The following CFAP43 variants were observed in gnomAD, a reference collection of about 807,000 sequenced individuals.
The protein encoded by CFAP43 is cilia and flagella associated protein 43, also known as cilia- and flagella-associated protein 43.
In CFAP43, 155 loss-of-function variants were observed where a neutral mutation model predicts 218.9. That is an observed-to-expected ratio of 0.71 (90% CI 0.62 to 0.81). The LOEUF is 0.81. Ranked by LOEUF, CFAP43 falls within the 30% of genes least tolerant of loss-of-function variation. The probability of loss-of-function intolerance (pLI) is 0.00; values close to 1 mark genes in which losing one functional copy is unlikely to be tolerated. For missense variants in CFAP43, 1,778 were observed against 1,954.3 expected, an observed-to-expected ratio of 0.91 and a Z score of 1.70; for synonymous variants, 645 against 681.3, an observed-to-expected ratio of 0.95 and a Z score of 0.83.
At chr10:104,160,384 A>C (rs961446978) in intron 27 of CFAP43, among the ~76,000 whole-genome samples, 1 of 152,240 alleles carries the variant, frequency 6.6e-6, no homozygotes, top group African/African-American at 2.4e-5. Context: ...CATGAGATAC[A>C]GCCACTAGCA....
intron 10 of CFAP43, among the ~76,000 whole-genome samples, chr10:104,194,687 AAGAGAATAAAT>A (rs2090335822): frequency 6.6e-6 from 1 of 152,264 alleles, no homozygotes. Context: ...TATGATGTCT[AAGAGAATAAAT>A]TGACTTTCAT....
In CFAP43 at chr10:104,132,105, T is replaced by C. The variant is rs1345676916; in HGVS notation, c.4677+11A>G. 2 of 1,582,206 alleles carry C rather than the reference T, an allele frequency of 1.3e-6. No individual in the cohort carries two copies. Among genetic ancestry groups the C allele is most frequent in the Admixed American group, 3.6e-5 (2 of 55,440 alleles). On this transcript the variant is annotated intron_variant, in intron 36 of 37. Transcript: ENST00000357060. ...TGTTAGGATATAATAACCAACGTCT[T>C]TGAGACTTACCTTATCTAAAACAGC...
intron 8 of CFAP43, among the ~76,000 whole-genome samples, chr10:104,201,506 G>A (rs1214828250): frequency 6.6e-6 from 1 of 151,816 alleles, no homozygotes; most frequent in Non-Finnish European, 1.5e-5. Context: ...CTTAGAAGTT[G>A]TAACATGTGT....
In CFAP43 at chr10:104,157,840, A is replaced by G. The variant is rs796780060; in HGVS notation, c.3540+3197T>C. On this transcript the variant is annotated intron_variant, in intron 27 of 37. Transcript: ENST00000357060. ...TCCTAACCCCTATAGCAAAGAACAC[A>G]TCTGGTATCCAGATCTTGGTCTCTA... Among the ~76,000 whole-genome samples the G allele has an allele frequency of 2.0e-5, 3 of 151,356 alleles. No homozygotes were observed. The East Asian group carries it at 5.8e-4, about 29-fold the overall frequency.
chr10:104,215,721 G>A (rs916718464), intron 3 of CFAP43, among the ~76,000 whole-genome samples: 8 of 151,424 alleles, frequency 5.3e-5, no homozygotes, highest in Non-Finnish European at 7.4e-5. Context: ...CCCCTCTCCC[G>A]AAACCTCTAG....
At chr10:104,168,898 A>G (rs2089292899) in intron 20 of CFAP43, 50 bp from the exon 21 acceptor site, 1 of 1,413,740 alleles carries the variant, frequency 7.1e-7, no homozygotes, top group African/African-American at 1.4e-5. Context: ...GTGTGGACTC[A>G]GAAATAATAA....
Position 104,182,474 on chromosome 10 carries a change from A to G in CFAP43, c.2181T>C (p.Tyr727=). The G allele has an allele frequency of 1.2e-6, 2 of 1,611,922 alleles. No individual in the cohort carries two copies. The highest frequency in any genetic ancestry group is 1.1e-5 in the South Asian group (1 of 90,378). Residue 727 remains tyrosine (Y), a synonymous_variant, in exon 17 of 38, where the codon TAT becomes TAC. Transcript: ENST00000357060. Reference sequence around the variant, plus strand: ...TCAGGGAAATTAATAGTTTCTGGTAATAGTCCAGAATTTCACTGGCTAGGT... The same window carrying G: ...TCAGGGAAATTAATAGTTTCTGGTAGTAGTCCAGAATTTCACTGGCTAGGT... ...GGHLASEILD[Y]YQKLLISLSS... is the part of the protein sequence containing the mutation.
chr10:104,211,653 T>C (rs950837590), intron 5 of CFAP43, among the ~76,000 whole-genome samples: 1 of 152,170 alleles, frequency 6.6e-6, no homozygotes, highest in African/African-American at 2.4e-5. Context: ...GTCCTATCTG[T>C]GAGAATGACA....
Position 104,182,476 on chromosome 10 carries a change from A to T in CFAP43, c.2179T>A (p.Tyr727Asn), listed in dbSNP as rs1250934243. 1 of 1,611,996 alleles carries T rather than the reference A, an allele frequency of 6.2e-7. No homozygotes were observed. Among genetic ancestry groups the T allele is most frequent in the Non-Finnish European group, 8.5e-7 (1 of 1,179,352 alleles). ...GGHLASEILDYYQKLLISLSS... is the reference protein window; with the variant it reads ...GGHLASEILDNYQKLLISLSS... ...AGGGAAATTAATAGTTTCTGGTAAT[A>T]GTCCAGAATTTCACTGGCTAGGTGT... is the stretch of plus-strand genomic sequence containing the variant. Residue 727 changes from tyrosine to asparagine, a missense_variant, in exon 17 of 38, where the codon TAT becomes AAT. Transcript: ENST00000357060.
chr10:104,144,409 G>T (rs1480251197), intron 31 of CFAP43, among the ~76,000 whole-genome samples: 3 of 152,270 alleles, frequency 2.0e-5, no homozygotes, highest in Non-Finnish European at 4.4e-5. Flanking sequence ...CCAACACTTT[G>T]GGAGGTTGAG....
chr10:104,213,654 G>A (rs1160460432), intron 4 of CFAP43, among the ~76,000 whole-genome samples: 1 of 151,940 alleles, frequency 6.6e-6, no homozygotes, highest in African/African-American at 2.4e-5. Context: ...TCCTGTCTCA[G>A]CCTCCCGAGT....
In CFAP43 at chr10:104,161,116, G is replaced by T; in HGVS notation, c.3461C>A (p.Thr1154Asn). 6.2e-7 allele frequency: 1 copy of T among 1,613,248 alleles called. No homozygotes were observed. The highest frequency in any genetic ancestry group is 8.5e-7 in the Non-Finnish European group (1 of 1,179,680). The change falls in exon 27 of 38, where the codon ACT becomes AAT. Residue 1154 changes from threonine to asparagine, a missense_variant. Coordinates refer to ENST00000357060, the MANE Select transcript of CFAP43 (RefSeq NM_025145.7). Reference sequence around the variant, plus strand: ...TTTGAATTGTTTTCTTTCTTCTTCAGTCCACACAGCATCAGGTTTTGCCAT... The same window carrying T: ...TTTGAATTGTTTTCTTTCTTCTTCATTCCACACAGCATCAGGTTTTGCCAT... ...AFMAKPDAVW[T>N]EEERKQFKDY...
chr10:104,142,103 T>A (rs2087734732), intron 33 of CFAP43, among the ~76,000 whole-genome samples, 178 bp downstream of exon 33: 1 of 152,230 alleles, frequency 6.6e-6, no homozygotes, highest in Non-Finnish European at 1.5e-5. Flanking sequence ...GAAAGTTCCA[T>A]CCTGAATCAA....
At chr10:104,151,001 T>G in intron 28 of CFAP43, among the ~76,000 whole-genome samples, 1 of 152,150 alleles carries the variant, frequency 6.6e-6, no homozygotes, top group East Asian at 1.9e-4. Context: ...CATATTTGGT[T>G]TTCTGTTCCT....
Position 104,185,127 on chromosome 10 carries a change from C to T in CFAP43, c.2030G>A (p.Arg677Gln), listed in dbSNP as rs146166238. The T allele has an allele frequency of 1.1e-4, 177 of 1,613,708 alleles. No homozygotes were observed. In the African/African-American group the frequency reaches 1.2e-3, roughly 11 times the overall value. ...VYTLETFAWC[R>Q]SHSHQGHGIQ... ...CCCATGACCCTGGTGAGAATGACTC[C>T]GACACCAAGCAAATGTTTCCTCAAT... The change falls in exon 16 of 38, where the codon CGG (arginine) becomes CAG (glutamine). Residue 677 changes from arginine to glutamine, a missense_variant. Arg to Gln is a conservative substitution (Grantham distance 43). Transcript: ENST00000357060.
chr10:104,130,193 CTG>C lies in CFAP43; in HGVS notation c.4942_4943del (p.Gln1648AspfsTer2). The C allele has an allele frequency of 5.0e-6, 8 of 1,610,452 alleles. No individual in the cohort carries two copies. The highest frequency in any genetic ancestry group is 6.8e-6 in the Non-Finnish European group (8 of 1,179,060). ...KQQAEQISIL[Q>X]TEVERLRMKT... ...TCATTCTTAATCTTTCAACTTCAGT[CTG>C]TAGTATTGAAATCTGTTCAGCTTGT... On this transcript the variant is annotated frameshift_variant, in exon 38 of 38. Coordinates refer to ENST00000357060, the MANE Select transcript of CFAP43 (RefSeq NM_025145.7). LOFTEE classifies it high-confidence loss of function.
At position 104,132,215 on chromosome 10, in the gene CFAP43, AC is replaced by A. The variant is rs747395100; in HGVS notation, c.4597-20del. The A allele has an allele frequency of 2.1e-5, 32 of 1,513,386 alleles. No individual in the cohort carries two copies. Among genetic ancestry groups the A allele is most frequent in the African/African-American group, 1.5e-4 (11 of 71,428 alleles). 93.7% of individuals were successfully genotyped at this position (1,513,386 alleles called of 1,614,324 possible). On this transcript the variant is annotated intron_variant, in intron 35 of 37. Coordinates refer to ENST00000357060, the MANE Select transcript of CFAP43 (RefSeq NM_025145.7). ...TTAGGTACTTTGAGATTAAAAAAAA[AC>A]ATGTAAGGATATTTTTCTCTCTTTC...
Position 104,172,266 on chromosome 10 carries a change from T to G in CFAP43, c.2586+144A>C, listed in dbSNP as rs933960476. ...TCGATGATCCTCTGATTCATTATAC[T>G]TATATGCACTATGTTTGCTTTATTC... On this transcript the variant is annotated intron_variant, in intron 20 of 37. Transcript: ENST00000357060. 7.0e-6 allele frequency: 7 copies of G among 996,038 alleles called. No homozygotes were observed. The African/African-American group carries it at 1.2e-4, about 17-fold the overall frequency. The allele number at this position is 996,038 out of a possible 1,614,324, so 61.7% of individuals were successfully genotyped here. A position where few individuals can be genotyped will look rare whatever the true frequency, so the allele number is the denominator to read the frequency against.
At chr10:104,183,383 G>GTTT (rs34324833) in intron 16 of CFAP43, among the ~76,000 whole-genome samples, 1 of 130,762 alleles carries the variant, frequency 7.6e-6, no homozygotes. Flanking sequence ...CTAGACCATC[G>GTTT]TTTTTTTTTT....
Sources: gnomAD v4.1 joint callset for allele counts (sites outside exome capture counted in the v4.1 genomes callset) on GRCh38, gnomAD v4.1.1 for gene constraint, MANE v1.5 for transcripts, NCBI Gene and HGNC (gene_info 2026-07-23, HGNC 2026-07-21) for gene names.